The following PCDHA10 variants were observed in gnomAD, a reference collection of about 807,000 sequenced individuals.
The protein encoded by PCDHA10 is protocadherin alpha-10.
Under a neutral mutation model 61.2 loss-of-function variants are expected in PCDHA10, and 45 were observed. That is an observed-to-expected ratio of 0.74 (90% CI 0.58 to 0.94). The LOEUF (loss-of-function observed/expected upper bound fraction) is 0.94, where lower values mean the gene tolerates loss of function less well. Ranked by LOEUF, PCDHA10 falls within the 40% of genes least tolerant of loss-of-function variation. PCDHA10 has a pLI of 0.00. For synonymous variants in PCDHA10, 602 were observed against 548.8 expected, an observed-to-expected ratio of 1.10 and a Z score of -1.35; for missense variants, 1,278 against 1,236.2, an observed-to-expected ratio of 1.03 and a Z score of -0.51.
In PCDHA10 at chr5:140,975,255, C is replaced by A. The variant is rs530385456; in HGVS notation, c.2389-3694C>A. On this transcript the variant is annotated intron_variant, in intron 1 of 3. Transcript: ENST00000307360. ...ATGGAATCCCTCTTATGCTTCAGAT[C>A]TCTCTGATTTCTGTCTCTGACCTCT... Among the ~76,000 whole-genome samples, 6 of 152,334 alleles carry A rather than the reference C, an allele frequency of 3.9e-5. No individual in the cohort carries two copies. In the South Asian group the frequency reaches 1.2e-3, roughly 32 times the overall value.
intron 1 of PCDHA10, chr5:140,969,611 A>G: frequency 1.4e-6 from 1 of 723,476 alleles, no homozygotes; most frequent in Non-Finnish European, 2.2e-6. Flanking sequence ...TAAAACACAG[A>G]TTTGTAGAGA....
At chr5:140,941,023 T>C (rs2153648150) in intron 1 of PCDHA10, among the ~76,000 whole-genome samples, 1 of 152,338 alleles carries the variant, frequency 6.6e-6, no homozygotes, top group African/African-American at 2.4e-5. Flanking sequence ...ATTTTCCTTC[T>C]GGCCTTTTTG....
rs145229632 is a variant in PCDHA10 at position 140,928,096 on chromosome 5, C to A, written c.2389-50853C>A. ...CTACTACAGCCTGCTGATTGATGGG[C>A]CCCTGGACCGGGAGCAGATCAGTGA... On this transcript the variant is annotated intron_variant, in intron 1 of 3. Coordinates refer to ENST00000307360, the MANE Select transcript of PCDHA10 (RefSeq NM_018901.4). 3.5e-5 allele frequency: 57 copies of A among 1,614,052 alleles called. No homozygotes were observed. In the African/African-American group the frequency reaches 6.8e-4, roughly 19 times the overall value.
At chr5:140,912,679 T>C (rs367681467) in intron 1 of PCDHA10, among the ~76,000 whole-genome samples, 6 of 152,216 alleles carry the variant, frequency 3.9e-5, no homozygotes, top group African/African-American at 1.4e-4. Context: ...CCTTGACTTA[T>C]TCCAGGTCTC....
intron 1 of PCDHA10, chr5:140,967,023 G>C: frequency 6.2e-7 from 1 of 1,608,162 alleles, no homozygotes; most frequent in Non-Finnish European, 8.5e-7. Context: ...GGTGCGCCCA[G>C]TCCGCGCTAC....
intron 1 of PCDHA10, chr5:140,966,281 G>C (rs1261464121): frequency 8.2e-5 from 30 of 366,710 alleles, no homozygotes; most frequent in Non-Finnish European, 1.3e-4. Flanking sequence ...TGGACAGTGG[G>C]GGTAGGGAGA....
chr5:140,924,900 A>AT lies in PCDHA10; in HGVS notation c.2389-54049_2389-54048insT, dbSNP rs1563068012. 8.8e-4 allele frequency among the ~76,000 whole-genome samples: 56 copies of AT among 63,318 alleles called. 1 individual carries two copies. The highest frequency in any genetic ancestry group is 8.1e-3 in the Middle Eastern group (1 of 124). 41.5% of individuals were successfully genotyped at this position (63,318 alleles called of 152,430 possible). On this transcript the variant is annotated intron_variant, in intron 1 of 3. Coordinates refer to ENST00000307360, the MANE Select transcript of PCDHA10 (RefSeq NM_018901.4). ...ACAGAGCAAGAACCTGTCTCAAAAA[A>AT]AAAAATAAAATAAAATAAAATAAAA...
chr5:140,867,042 G>T lies in PCDHA10; in HGVS notation c.2388+8606G>T, dbSNP rs782113838. Reference sequence around the variant, plus strand: ...ATATCAAACTCTTTTATGACTTGGCGTTTGTTCAGTACTACTTTATATATT... The same window carrying T: ...ATATCAAACTCTTTTATGACTTGGCTTTTGTTCAGTACTACTTTATATATT... On this transcript the variant is annotated intron_variant, in intron 1 of 3. Transcript: ENST00000307360. The T allele has an allele frequency of 4.6e-5, 7 of 152,202 alleles. 1 individual carries two copies. Among genetic ancestry groups the T allele is most frequent in the African/African-American group, 1.7e-4 (7 of 41,564 alleles). 9.4% of individuals were successfully genotyped at this position (152,202 alleles called of 1,614,324 possible). A position where few individuals can be genotyped will look rare whatever the true frequency, so the allele number is the denominator to read the frequency against.
intron 1 of PCDHA10, chr5:140,928,897 G>C: frequency 6.2e-7 from 1 of 1,614,186 alleles, no homozygotes. Flanking sequence ...AGACTTTGAA[G>C]ATGTCTGGGA....
rs781808272 is a variant in PCDHA10, at chr5:140,856,411, A to G, written c.363A>G (p.Glu121=). Reference sequence around the variant, plus strand: ...TGCAGGTTTTCCATGTGGACGTGGAAGTGAAGGACATTAACGACAACCCGC... The same window carrying G: ...TGCAGGTTTTCCATGTGGACGTGGAGGTGAAGGACATTAACGACAACCCGC... ...RPLQVFHVDV[E]VKDINDNPPR... is the part of the protein sequence containing the mutation. The change falls in exon 1 of 4, where the codon GAA becomes GAG. Residue 121 remains glutamate, a synonymous_variant. Transcript: ENST00000307360. 31 of 1,598,328 alleles carry G rather than the reference A, an allele frequency of 1.9e-5. 3 individuals are homozygous for G. Among genetic ancestry groups the G allele is most frequent in the African/African-American group, 5.4e-5 (4 of 74,256 alleles).
intron 1 of PCDHA10, among the ~76,000 whole-genome samples, chr5:140,952,668 T>C (rs960968372): frequency 6.6e-6 from 1 of 152,234 alleles, no homozygotes. Context: ...CAAAGTCACT[T>C]TCACATTTTC....
rs781967971 is a variant in PCDHA10 at position 140,875,741 on chromosome 5, T to C, written c.2388+17305T>C. 10 of 1,614,098 alleles carry C rather than the reference T, an allele frequency of 6.2e-6. No homozygotes were observed. The highest frequency in any genetic ancestry group is 8.5e-6 in the Non-Finnish European group (10 of 1,180,040). On this transcript the variant is annotated intron_variant, in intron 1 of 3. Coordinates refer to ENST00000307360, the MANE Select transcript of PCDHA10 (RefSeq NM_018901.4). ...GGCATTTTGTTTGTGAATTCTCGGA[T>C]CGACCGCGAGAAGCTGTGCGGGCGG...
chr5:140,974,330 A>G (rs542172748), intron 1 of PCDHA10, among the ~76,000 whole-genome samples: 1 of 152,346 alleles, frequency 6.6e-6, no homozygotes, highest in African/African-American at 2.4e-5. Flanking sequence ...CTGCTGTGCT[A>G]GCAGGCTATG....
At chr5:140,875,304 A>G in intron 1 of PCDHA10, 6 of 1,416,398 alleles carry the variant, frequency 4.2e-6, no homozygotes, top group Non-Finnish European at 5.5e-6. Context: ...TTTTCTCCGC[A>G]CCCACATTCC....
chr5:140,858,133 C>T lies in PCDHA10; in HGVS notation c.2085C>T (p.Asn695=). The T allele has an allele frequency of 6.3e-7, 1 of 1,597,688 alleles. No individual in the cohort carries two copies. The highest frequency in any genetic ancestry group is 8.6e-7 in the Non-Finnish European group (1 of 1,167,502). Residue 695 remains asparagine (N), a synonymous_variant, in exon 1 of 4, where the codon AAC becomes AAT. Transcript: ENST00000307360. The part of the protein sequence containing the change: ...VAPEVALVDV[N]VYLIIAICAV... ...CCGAGGTGGCCCTGGTGGATGTCAA[C>T]GTGTACCTGATCATCGCCATCTGCG... is the stretch of plus-strand genomic sequence containing the variant.
At chr5:140,873,449 T>G (rs565390619) in intron 1 of PCDHA10, among the ~76,000 whole-genome samples, 1 of 152,310 alleles carries the variant, frequency 6.6e-6, no homozygotes, top group Non-Finnish European at 1.5e-5. Flanking sequence ...AATAACAAAT[T>G]TGCATTTTAG....
chr5:140,871,762 G>A (rs2053295572), intron 1 of PCDHA10, among the ~76,000 whole-genome samples: 1 of 152,200 alleles, frequency 6.6e-6, no homozygotes, highest in South Asian at 2.1e-4. Flanking sequence ...AGATGCAAGA[G>A]TGACTCTTCT....
At chr5:140,874,354 T>C (rs1554167160) in intron 1 of PCDHA10, among the ~76,000 whole-genome samples, 5 of 152,214 alleles carry the variant, frequency 3.3e-5, no homozygotes, top group Non-Finnish European at 7.3e-5. Context: ...TGATCTTGAA[T>C]TAATGAATAA....
chr5:140,959,102 G>A (rs556528085), intron 1 of PCDHA10, among the ~76,000 whole-genome samples: 2 of 152,214 alleles, frequency 1.3e-5, no homozygotes, highest in South Asian at 4.2e-4. Flanking sequence ...ACATTCAGCA[G>A]GGGTCCGAAG....
Sources: gnomAD v4.1 joint callset for allele counts (sites outside exome capture counted in the v4.1 genomes callset) on GRCh38, gnomAD v4.1.1 for gene constraint, MANE v1.5 for transcripts, NCBI Gene and HGNC (gene_info 2026-07-23, HGNC 2026-07-21) for gene names.